The following CDH12 variants were observed in gnomAD, a reference collection of about 807,000 sequenced individuals.
CDH12 encodes the protein cadherin-12.
A neutral mutation model predicts 74.1 loss-of-function variants in CDH12; 41 were observed. The observed-to-expected ratio is 0.55, with a 90% CI of 0.43 to 0.72. CDH12 has a LOEUF of 0.72. Among genes scored for constraint, CDH12 ranks in the 30% least tolerant of loss-of-function variants. The pLI is 0.00. For synonymous variants in CDH12, 399 were observed against 355.0 expected, an observed-to-expected ratio of 1.12 and a Z score of -1.39; for missense variants, 945 against 977.2, an observed-to-expected ratio of 0.97 and a Z score of 0.44.
intron 2 of CDH12, among the ~76,000 whole-genome samples, chr5:22,504,008 T>A (rs1007892921): frequency 3.3e-5 from 5 of 152,030 alleles, no homozygotes; most frequent in Non-Finnish European, 7.4e-5. Flanking sequence ...AAATAAAAGA[T>A]CTGGACTGAA....
At chr5:22,520,470 C>G (rs1737004420) in intron 1 of CDH12, among the ~76,000 whole-genome samples, 1 of 152,010 alleles carries the variant, frequency 6.6e-6, no homozygotes, top group Admixed American at 6.6e-5. Context: ...ACCTAAAGAA[C>G]ACTTATGGAG....
chr5:22,368,309 T>C (rs1343517534), intron 3 of CDH12, among the ~76,000 whole-genome samples: 1 of 152,050 alleles, frequency 6.6e-6, no homozygotes, highest in Non-Finnish European at 1.5e-5. Context: ...TTTTATGTTA[T>C]TGTTTTTAAA....
At chr5:21,757,246 G>A (rs1214896895) in intron 13 of CDH12, among the ~76,000 whole-genome samples, 1 of 152,074 alleles carries the variant, frequency 6.6e-6, no homozygotes, top group African/African-American at 2.4e-5. Flanking sequence ...ATCAATCTCG[G>A]CTCACTGCAA....
chr5:21,798,249 A>G (rs979002925), intron 10 of CDH12, among the ~76,000 whole-genome samples: 1 of 148,784 alleles, frequency 6.7e-6, no homozygotes, highest in African/African-American at 2.5e-5. Context: ...GTATATGTGG[A>G]TGTGTGTGTG....
At chr5:22,334,774 T>C (rs2150448509) in intron 3 of CDH12, among the ~76,000 whole-genome samples, 1 of 152,246 alleles carries the variant, frequency 6.6e-6, no homozygotes, top group Non-Finnish European at 1.5e-5. Flanking sequence ...CAATAAATGG[T>C]GAGGGGAAAA....
At chr5:22,370,968 C>G (rs1232512854) in intron 3 of CDH12, among the ~76,000 whole-genome samples, 1 of 152,020 alleles carries the variant, frequency 6.6e-6, no homozygotes, top group East Asian at 1.9e-4. Context: ...ACAAACAAAT[C>G]AATTACTTTT....
chr5:22,001,482 G>GT (rs903199801), intron 5 of CDH12, among the ~76,000 whole-genome samples: 2 of 152,136 alleles, frequency 1.3e-5, no homozygotes, highest in South Asian at 2.1e-4. Context: ...TTTAGGAAAA[G>GT]TTTTTTTAAT....
intron 2 of CDH12, among the ~76,000 whole-genome samples, chr5:22,469,587 A>T (rs2662505): frequency 1.3e-5 from 2 of 151,916 alleles, no homozygotes; most frequent in African/African-American, 4.8e-5. Context: ...TTTCCAAATA[A>T]GGTGGCATTC....
chr5:22,275,267 C>T (rs1736583591), intron 3 of CDH12, among the ~76,000 whole-genome samples: 1 of 150,984 alleles, frequency 6.6e-6, no homozygotes, highest in African/African-American at 2.4e-5. Context: ...ACGTTCTGCA[C>T]ATGTATCATA....
At chr5:22,063,648 T>C (rs1463509703) in intron 5 of CDH12, among the ~76,000 whole-genome samples, 3 of 152,008 alleles carry the variant, frequency 2.0e-5, no homozygotes, top group Admixed American at 2.0e-4. Flanking sequence ...ATGTGTCAGT[T>C]TTGCTGGTCC....
intron 3 of CDH12, among the ~76,000 whole-genome samples, chr5:22,251,954 C>G (rs879355756): frequency 3.9e-5 from 6 of 152,066 alleles, no homozygotes; most frequent in Non-Finnish European, 5.9e-5. Flanking sequence ...TTAAACCTTT[C>G]CAGATACAAC....
At position 22,154,102 on chromosome 5, in the gene CDH12, G is replaced by C. The variant is rs559695477; in HGVS notation, c.-187+58396C>G. On this transcript the variant is annotated intron_variant, in intron 4 of 14. Transcript: ENST00000382254. ...CTTTTCTGTTCAGCTTTAATGAGGT[G>C]TAATGACAAAAAAATTGAATATATT... Among the ~76,000 whole-genome samples the C allele has an allele frequency of 2.7e-4, 33 of 121,172 alleles. No homozygotes were observed. In the South Asian group the frequency reaches 8.3e-3, roughly 30 times the overall value. 79.5% of individuals were successfully genotyped at this position (121,172 alleles called of 152,430 possible).
chr5:22,071,200 C>A (rs1014540849), intron 5 of CDH12, among the ~76,000 whole-genome samples: 15 of 151,774 alleles, frequency 9.9e-5, no homozygotes, highest in Non-Finnish European at 2.1e-4. Context: ...ATAATATTTT[C>A]TTTTTTTCTA....
intron 1 of CDH12, among the ~76,000 whole-genome samples, chr5:22,612,645 G>A (rs1488333844): frequency 1.3e-5 from 2 of 152,046 alleles, no homozygotes; most frequent in Admixed American, 1.3e-4. Context: ...ATGTCAATGT[G>A]ATGCATCATT....
intron 6 of CDH12, among the ~76,000 whole-genome samples, chr5:21,960,899 T>C (rs1385806181): frequency 7.2e-5 from 11 of 152,146 alleles, no homozygotes; most frequent in Non-Finnish European, 1.5e-5. Flanking sequence ...AACCATTGTT[T>C]CACCTCTGAA....
chr5:21,795,679 G>A (rs2149913647), intron 10 of CDH12, among the ~76,000 whole-genome samples: 1 of 152,012 alleles, frequency 6.6e-6, no homozygotes, highest in East Asian at 1.9e-4. Context: ...GAGAAAGAGA[G>A]CATGGGCATT....
At chr5:22,233,759 G>A (rs368679790) in intron 3 of CDH12, among the ~76,000 whole-genome samples, 3 of 152,108 alleles carry the variant, frequency 2.0e-5, no homozygotes, top group South Asian at 4.1e-4. Context: ...AACTAGATAA[G>A]GCCTATAAAT....
intron 1 of CDH12, among the ~76,000 whole-genome samples, chr5:22,759,391 G>C (rs1011029266): frequency 6.6e-6 from 1 of 151,940 alleles, no homozygotes; most frequent in South Asian, 2.1e-4. Flanking sequence ...CCTGTTTTGG[G>C]GTTAAAAAGT....
intron 1 of CDH12, among the ~76,000 whole-genome samples, chr5:22,576,346 A>G (rs188330841): frequency 6.1e-4 from 93 of 152,296 alleles, no homozygotes; most frequent in Middle Eastern, 3.4e-3. Context: ...CCAGAGAGGA[A>G]AAGACCATGG....
Sources: gnomAD v4.1 joint callset for allele counts (sites outside exome capture counted in the v4.1 genomes callset) on GRCh38, gnomAD v4.1.1 for gene constraint, MANE v1.5 for transcripts, NCBI Gene and HGNC (gene_info 2026-07-23, HGNC 2026-07-21) for gene names.